The following STRN variants were observed in gnomAD, a reference collection of about 807,000 sequenced individuals.
The protein encoded by STRN is striatin.
A neutral mutation model predicts 96.3 loss-of-function variants in STRN; 53 were observed. The ratio of observed to expected loss-of-function variants is 0.55; its 90% CI spans 0.44 to 0.69. The LOEUF (loss-of-function observed/expected upper bound fraction) is 0.69, where lower values mean the gene tolerates loss of function less well. STRN is among the 30% of genes least tolerant of loss of function. The pLI, the probability that STRN is intolerant of heterozygous loss-of-function variation, is 0.00. For synonymous variants in STRN, 428 were observed against 355.9 expected (o/e 1.20, Z -2.28); for missense variants, 987 against 963.9 (o/e 1.02, Z -0.32).
At chr2:36,871,410 G>C (rs370541248) in intron 10 of STRN, among the ~76,000 whole-genome samples, 18 of 152,264 alleles carry the variant, frequency 1.2e-4, no homozygotes, top group African/African-American at 4.3e-4. Context: ...TTACCATTGT[G>C]TTACAGTTGC....
intron 1 of STRN, among the ~76,000 whole-genome samples, chr2:36,952,917 T>C (rs1664796609): frequency 6.6e-6 from 1 of 152,206 alleles, no homozygotes; most frequent in Non-Finnish European, 1.5e-5. Context: ...TTTTGCTCAA[T>C]GGTTAACCTT....
chr2:36,891,376 A>C (rs1260331260), intron 7 of STRN, among the ~76,000 whole-genome samples: 2 of 152,110 alleles, frequency 1.3e-5, no homozygotes, highest in Non-Finnish European at 2.9e-5. Flanking sequence ...AAATACAAAA[A>C]ATAGCCGGGC....
Position 36,925,215 on chromosome 2 carries a change from A to G in STRN, c.235-7T>C. 6.2e-7 allele frequency: 1 copy of G among 1,610,466 alleles called. No homozygotes were observed. Among genetic ancestry groups the G allele is most frequent in the Non-Finnish European group, 8.5e-7 (1 of 1,177,152 alleles). On this transcript the variant is annotated splice_region_variant and splice_polypyrimidine_tract_variant and intron_variant, in intron 1 of 17. Coordinates refer to ENST00000263918, the MANE Select transcript of STRN (RefSeq NM_003162.4). ...GCAGGAAGGCAATCTGGGCCTGAGT[A>G]GGGGAAAGACAGAAAAAATTCAGTT... is the stretch of plus-strand genomic sequence containing the variant.
At position 36,876,141 on chromosome 2, in the gene STRN, G is replaced by A. The variant is rs866511943; in HGVS notation, c.1323+1750C>T. ...GGAAAGTACCTGGGTGTGATGGTGCGTGCCTATGGTCCCAGCTACTTGGGA... is the reference window on the plus strand; with the variant it reads ...GGAAAGTACCTGGGTGTGATGGTGCATGCCTATGGTCCCAGCTACTTGGGA... On this transcript the variant is annotated intron_variant, in intron 10 of 17. Coordinates refer to ENST00000263918, the MANE Select transcript of STRN (RefSeq NM_003162.4). 2.7e-4 allele frequency among the ~76,000 whole-genome samples: 41 copies of A among 152,022 alleles called. 1 individual carries two copies. Among genetic ancestry groups the A allele is most frequent in the South Asian group, 2.3e-3 (11 of 4,812 alleles).
chr2:36,907,324 C>T (rs1239972461), intron 3 of STRN, among the ~76,000 whole-genome samples: 1 of 152,124 alleles, frequency 6.6e-6, no homozygotes, highest in Non-Finnish European at 1.5e-5. Context: ...CCAAGGTGGG[C>T]GGATCACAAG....
chr2:36,887,087 G>A (rs935308927), intron 7 of STRN, among the ~76,000 whole-genome samples: 4 of 130,168 alleles, frequency 3.1e-5, no homozygotes, highest in African/African-American at 9.0e-5. Flanking sequence ...ACACACACAC[G>A]GAAGATTTTA....
At chr2:36,863,459 T>C (rs943197088) in intron 12 of STRN, among the ~76,000 whole-genome samples, 3 of 152,332 alleles carry the variant, frequency 2.0e-5, no homozygotes, top group African/African-American at 4.8e-5. Flanking sequence ...TTTGTCAACT[T>C]TGTCGAAGAT....
At chr2:36,934,431 T>G (rs544421099) in intron 1 of STRN, among the ~76,000 whole-genome samples, 11 of 152,232 alleles carry the variant, frequency 7.2e-5, no homozygotes, top group Non-Finnish European at 1.5e-4. Flanking sequence ...TGTCTTAATC[T>G]TAAAATCTGA....
At chr2:36,931,192 C>G (rs998921633) in intron 1 of STRN, among the ~76,000 whole-genome samples, 9 of 152,108 alleles carry the variant, frequency 5.9e-5, no homozygotes, top group African/African-American at 1.9e-4. Flanking sequence ...GGCCTTCAAG[C>G]TGACAGACGA....
In STRN at chr2:36,841,567, T is replaced by G. The variant is rs1667952146; in HGVS notation, c.*7889A>C. 6.6e-6 allele frequency: 1 copy of G among 152,204 alleles called. No homozygotes were observed. Among genetic ancestry groups the G allele is most frequent in the African/African-American group, 2.4e-5 (1 of 41,470 alleles). 9.4% of individuals were successfully genotyped at this position (152,204 alleles called of 1,614,324 possible). ...TTTAAAAATGTTTTTAAAAGCATAG[T>G]CAAAACCATTCAAAAGAGAACTCAC... On this transcript the variant is annotated 3_prime_UTR_variant, in exon 18 of 18. Coordinates refer to ENST00000263918, the MANE Select transcript of STRN (RefSeq NM_003162.4).
At chr2:36,875,831 G>T (rs566522439) in intron 10 of STRN, among the ~76,000 whole-genome samples, 5 of 152,148 alleles carry the variant, frequency 3.3e-5, no homozygotes, top group African/African-American at 1.2e-4. Flanking sequence ...TAATTTTTTT[G>T]TATTTTTAGT....
chr2:36,858,170 C>A, intron 13 of STRN, 147 bp from the exon 14 acceptor site: 1 of 537,544 alleles, frequency 1.9e-6, no homozygotes, highest in South Asian at 8.1e-5. Flanking sequence ...TGACAGGCTA[C>A]AGTAAATCAA....
chr2:36,865,294 T>C (rs1211102360), intron 12 of STRN, among the ~76,000 whole-genome samples: 2 of 152,230 alleles, frequency 1.3e-5, no homozygotes, highest in East Asian at 1.9e-4. Flanking sequence ...TGGCTGGTTT[T>C]TGTATTTCTG....
intron 2 of STRN, among the ~76,000 whole-genome samples, chr2:36,922,104 A>T (rs1670274792): frequency 6.6e-6 from 1 of 152,216 alleles, no homozygotes; most frequent in African/African-American, 2.4e-5. Flanking sequence ...AGGGGAAAAA[A>T]ATGGTACCTA....
intron 10 of STRN, among the ~76,000 whole-genome samples, chr2:36,875,364 G>A (rs1017179093): frequency 5.3e-5 from 8 of 152,012 alleles, no homozygotes; most frequent in African/African-American, 1.9e-4. Flanking sequence ...TAAAAAGCCA[G>A]GCATGGTGGT....
At chr2:36,923,072 G>C (rs13385627) in intron 2 of STRN, among the ~76,000 whole-genome samples, 126 of 151,428 alleles carry the variant, frequency 8.3e-4, no homozygotes, top group African/African-American at 3.0e-3. Flanking sequence ...AACCCAGGAG[G>C]TGGAGGTTGC....
intron 9 of STRN, among the ~76,000 whole-genome samples, chr2:36,880,710 A>T (rs1669048416): frequency 6.6e-6 from 1 of 152,202 alleles, no homozygotes; most frequent in Non-Finnish European, 1.5e-5. Context: ...CTCATGTGAG[A>T]CTATGATGGT....
chr2:36,907,449 G>A (rs1211177136), intron 3 of STRN, among the ~76,000 whole-genome samples: 2 of 152,076 alleles, frequency 1.3e-5, no homozygotes, highest in Non-Finnish European at 2.9e-5. Flanking sequence ...TCAGGAGGCT[G>A]AGGCAGAAGA....
In STRN at chr2:36,839,561, T is replaced by G. The variant is rs1164429627; in HGVS notation, c.*9895A>C. Among the ~76,000 whole-genome samples, 1 of 152,218 alleles carries G rather than the reference T, an allele frequency of 6.6e-6. No homozygotes were observed. Among genetic ancestry groups the G allele is most frequent in the Non-Finnish European group, 1.5e-5 (1 of 68,030 alleles). On this transcript the variant is annotated 3_prime_UTR_variant, in exon 18 of 18. Coordinates refer to ENST00000263918, the MANE Select transcript of STRN (RefSeq NM_003162.4). ...TTTATTAGGTGTTTTACATCCGTTA[T>G]CTCAAATCAACCTAATTAGGCAGAT... is the stretch of plus-strand genomic sequence containing the variant.
Sources: allele counts gnomAD v4.1 joint callset (sites outside exome capture counted in the v4.1 genomes callset), GRCh38; gene constraint gnomAD v4.1.1; transcripts MANE v1.5; gene names NCBI Gene and HGNC (gene_info 2026-07-23, HGNC 2026-07-21).